The following GRIP1 variants were observed in gnomAD, a reference collection of about 807,000 sequenced individuals.
GRIP1 encodes the protein glutamate receptor interacting protein 1.
Under a neutral mutation model 129.9 loss-of-function variants are expected in GRIP1, and 45 were observed. The observed-to-expected ratio is 0.35, with a 90% CI of 0.27 to 0.44. GRIP1 has a LOEUF of 0.44. Among genes scored for constraint, GRIP1 ranks in the 20% least tolerant of loss-of-function variants. The probability of loss-of-function intolerance (pLI) is 1.00; values close to 1 mark genes in which losing one functional copy is unlikely to be tolerated. For missense variants in GRIP1, 1,196 were observed against 1,396.8 expected (o/e 0.86, Z 2.29); for synonymous variants, 530 against 520.8 (o/e 1.02, Z -0.24).
chr12:66,749,542 T>G (rs764165698), intron 1 of GRIP1, among the ~76,000 whole-genome samples: 4 of 152,258 alleles, frequency 2.6e-5, no homozygotes, highest in African/African-American at 4.8e-5. Context: ...TTCTTAAACG[T>G]TGATTTTGTA....
intron 23 of GRIP1, among the ~76,000 whole-genome samples, chr12:66,362,032 A>C (rs1024395665): frequency 6.6e-6 from 1 of 151,980 alleles, no homozygotes; most frequent in African/African-American, 2.4e-5. Flanking sequence ...CACTGTAGAA[A>C]TTGCCGATGC....
chr12:66,539,842 T>C (rs1007349975), intron 3 of GRIP1, among the ~76,000 whole-genome samples: 1 of 152,208 alleles, frequency 6.6e-6, no homozygotes, highest in African/African-American at 2.4e-5. Flanking sequence ...CTTATCTCTC[T>C]ATACCACCAT....
At chr12:67,020,166 G>A (rs1027669810) in intron 1 of GRIP1, among the ~76,000 whole-genome samples, 7 of 152,094 alleles carry the variant, frequency 4.6e-5, no homozygotes, top group Admixed American at 3.9e-4. Context: ...CTACTACAAA[G>A]CAGAACATCA....
intron 1 of GRIP1, among the ~76,000 whole-genome samples, chr12:66,843,734 G>A (rs2039763140): frequency 6.6e-6 from 1 of 151,954 alleles, no homozygotes; most frequent in African/African-American, 2.4e-5. Context: ...AATAACATTG[G>A]GAAAACAATA....
intron 1 of GRIP1, among the ~76,000 whole-genome samples, chr12:66,868,644 C>G (rs1371673659): frequency 6.6e-6 from 1 of 151,998 alleles, no homozygotes; most frequent in African/African-American, 2.4e-5. Context: ...TCATCTGCCC[C>G]TCAAAATGGT....
intron 1 of GRIP1, among the ~76,000 whole-genome samples, chr12:66,719,298 A>T (rs1236611834): frequency 6.6e-6 from 1 of 152,188 alleles, no homozygotes; most frequent in African/African-American, 2.4e-5. Context: ...AATTTTGCAC[A>T]ATGTGAAAAG....
At chr12:66,582,935 G>T (rs1592596172) in intron 2 of GRIP1, among the ~76,000 whole-genome samples, 2 of 150,328 alleles carry the variant, frequency 1.3e-5, no homozygotes, top group South Asian at 2.1e-4. Context: ...CCAAAAAAGA[G>T]CCCGCATCGC....
chr12:66,950,823 A>G (rs1441532259), intron 1 of GRIP1, among the ~76,000 whole-genome samples: 3 of 152,234 alleles, frequency 2.0e-5, no homozygotes, highest in Admixed American at 1.3e-4. Flanking sequence ...TCATTTCTAT[A>G]TATTTGAGAC....
chr12:66,635,306 C>T (rs2031251402), intron 1 of GRIP1, among the ~76,000 whole-genome samples: 1 of 151,722 alleles, frequency 6.6e-6, no homozygotes, highest in Non-Finnish European at 1.5e-5. Context: ...GTGGTCCTAG[C>T]TACTTGCAGG....
chr12:66,934,071 T>G (rs940747755), intron 1 of GRIP1, among the ~76,000 whole-genome samples: 1 of 152,190 alleles, frequency 6.6e-6, no homozygotes, highest in Admixed American at 6.5e-5. Flanking sequence ...AATGGTACTT[T>G]CTTGTTGTTC....
intron 22 of GRIP1, among the ~76,000 whole-genome samples, chr12:66,375,341 C>A (rs2055735146): frequency 1.3e-5 from 2 of 152,126 alleles, no homozygotes; most frequent in African/African-American, 4.8e-5. Flanking sequence ...AATTAATTTT[C>A]ATTTCCATTT....
intron 3 of GRIP1, among the ~76,000 whole-genome samples, chr12:66,541,371 A>C (rs1037850750): frequency 6.6e-6 from 1 of 152,196 alleles, no homozygotes; most frequent in Non-Finnish European, 1.5e-5. Context: ...TTTTCACTGA[A>C]AACTCAGAGT....
intron 7 of GRIP1, among the ~76,000 whole-genome samples, chr12:66,493,357 G>T (rs1390506944): frequency 1.3e-5 from 2 of 152,142 alleles, no homozygotes; most frequent in African/African-American, 4.8e-5. Flanking sequence ...TTCAATTATT[G>T]TGTGTTAACA....
At chr12:66,482,004 A>G in intron 7 of GRIP1, among the ~76,000 whole-genome samples, 1 of 152,134 alleles carries the variant, frequency 6.6e-6, no homozygotes, top group African/African-American at 2.4e-5. Flanking sequence ...TGTAGAAGAC[A>G]GGTTGATGGG....
intron 2 of GRIP1, among the ~76,000 whole-genome samples, chr12:66,557,925 C>T (rs1039389394): frequency 6.6e-6 from 1 of 151,840 alleles, no homozygotes; most frequent in Non-Finnish European, 1.5e-5. Flanking sequence ...CAAGAGCAAA[C>T]CAAACCCAAA....
intron 2 of GRIP1, among the ~76,000 whole-genome samples, chr12:66,580,999 T>C (rs1022351443): frequency 6.6e-6 from 1 of 152,146 alleles, no homozygotes; most frequent in Non-Finnish European, 1.5e-5. Flanking sequence ...ATTGACCACA[T>C]AGTTGGAAGT....
chr12:67,045,548 C>G (rs1478595331), intron 1 of GRIP1, among the ~76,000 whole-genome samples: 1 of 152,164 alleles, frequency 6.6e-6, no homozygotes, highest in Non-Finnish European at 1.5e-5. Flanking sequence ...AACAAAGTCA[C>G]TTGCACACTG....
intron 1 of GRIP1, among the ~76,000 whole-genome samples, chr12:66,905,128 T>C (rs2040910168): frequency 6.6e-6 from 1 of 152,226 alleles, no homozygotes; most frequent in Non-Finnish European, 1.5e-5. Flanking sequence ...CAGTAAACAT[T>C]TTCAAAATTG....
At chr12:66,712,522 C>T (rs957170509) in intron 1 of GRIP1, among the ~76,000 whole-genome samples, 1 of 151,728 alleles carries the variant, frequency 6.6e-6, no homozygotes, top group African/African-American at 2.4e-5. Context: ...GTGAATCTCA[C>T]ACACACACAC....
Sources: allele counts gnomAD v4.1 joint callset (sites outside exome capture counted in the v4.1 genomes callset), GRCh38; gene constraint gnomAD v4.1.1; transcripts MANE v1.5; gene names NCBI Gene and HGNC (gene_info 2026-07-23, HGNC 2026-07-21).